The following ABCG2 variants were observed in gnomAD, a reference collection of about 807,000 sequenced individuals.
ABCG2 encodes the protein broad substrate specificity ATP-binding cassette transporter ABCG2.
A neutral mutation model predicts 73.5 loss-of-function variants in ABCG2; 80 were observed. That is an observed-to-expected ratio of 1.09 (90% CI 0.91 to 1.31). The LOEUF (loss-of-function observed/expected upper bound fraction) is 1.31. Among genes scored for constraint, ABCG2 ranks in the 50% most tolerant of loss-of-function variants. The probability of loss-of-function intolerance (pLI) is 0.00; values close to 1 mark genes in which losing one functional copy is unlikely to be tolerated. For synonymous variants in ABCG2, 269 were observed against 282.4 expected (o/e 0.95, Z 0.48); for missense variants, 796 against 786.2 (o/e 1.01, Z -0.15).
chr4:88,183,697 T>C (rs1035939070), intron 1 of ABCG2, among the ~76,000 whole-genome samples: 1 of 150,938 alleles, frequency 6.6e-6, no homozygotes, highest in African/African-American at 2.4e-5. Flanking sequence ...AGGGAATAAT[T>C]CCAAACTCAT....
At chr4:88,157,719 G>A (rs1727043779) in intron 1 of ABCG2, among the ~76,000 whole-genome samples, 1 of 152,160 alleles carries the variant, frequency 6.6e-6, no homozygotes, top group African/African-American at 2.4e-5. Flanking sequence ...TACTCTGAAA[G>A]CACTGTTTTG....
At chr4:88,187,160 G>A (rs1321174135) in intron 1 of ABCG2, among the ~76,000 whole-genome samples, 1 of 149,978 alleles carries the variant, frequency 6.7e-6, no homozygotes, top group African/African-American at 2.5e-5. Context: ...TGTGGCAGGG[G>A]AGAAGTGGGG....
chr4:88,202,354 T>TATATATATATATATATATATATATATA (rs1553945717), intron 1 of ABCG2, among the ~76,000 whole-genome samples: 910 of 61,828 alleles, frequency 0.015, 296 homozygotes, highest in South Asian at 0.028. Flanking sequence ...CTACAATTAT[T>TATATATATATATATATATATATATATA]TATATATATA....
intron 5 of ABCG2, among the ~76,000 whole-genome samples, chr4:88,123,785 G>A (rs1560686807): frequency 6.6e-6 from 1 of 152,046 alleles, no homozygotes; most frequent in Non-Finnish European, 1.5e-5. Context: ...AGCAAGACAG[G>A]CCAACATTCT....
chr4:88,184,585 A>G (rs1463420681), intron 1 of ABCG2, among the ~76,000 whole-genome samples: 1 of 152,210 alleles, frequency 6.6e-6, no homozygotes, highest in Non-Finnish European at 1.5e-5. Flanking sequence ...TTCCATGTTC[A>G]TAGATAGGAA....
chr4:88,121,794 T>A lies in ABCG2; in HGVS notation c.532-2A>T. 6.2e-7 allele frequency: 1 copy of A among 1,611,758 alleles called. No individual in the cohort carries two copies. Among genetic ancestry groups the A allele is most frequent in the South Asian group, 1.1e-5 (1 of 90,436 alleles). On this transcript the variant is annotated splice_acceptor_variant, in intron 5 of 15. Transcript: ENST00000237612. LOFTEE classifies it high-confidence loss of function. ...ACCACGGATAAACTGAGTTCCAACC[T>A]AAATCACAAATATTATAATTGTCAA...
intron 1 of ABCG2, among the ~76,000 whole-genome samples, chr4:88,169,573 A>T (rs1159666938): frequency 6.6e-6 from 1 of 152,158 alleles, no homozygotes. Context: ...TGGTCAGTTA[A>T]ACCCATCATC....
chr4:88,121,914 G>T lies in ABCG2; in HGVS notation c.532-122C>A, dbSNP rs942139488. On this transcript the variant is annotated intron_variant, in intron 5 of 15. Coordinates refer to ENST00000237612, the MANE Select transcript of ABCG2 (RefSeq NM_004827.3). ...TCATTAAGTTCATTTATTCTGAACA[G>T]CAAATAAGTGGATACCTGGTAGAAA... The T allele has an allele frequency of 1.2e-5, 11 of 932,690 alleles. No homozygotes were observed. In the African/African-American group the frequency reaches 1.5e-4, roughly 13 times the overall value. 57.8% of individuals were successfully genotyped at this position (932,690 alleles called of 1,614,324 possible).
chr4:88,172,357 G>A (rs1430037605), intron 1 of ABCG2, among the ~76,000 whole-genome samples: 2 of 150,172 alleles, frequency 1.3e-5, no homozygotes, highest in African/African-American at 4.9e-5. Context: ...TTTGGGAGGC[G>A]GAGCTGGGCG....
chr4:88,211,887 A>T (rs1324993891), intron 1 of ABCG2, among the ~76,000 whole-genome samples: 1 of 152,216 alleles, frequency 6.6e-6, no homozygotes, highest in Admixed American at 6.5e-5. Context: ...TCTCTTCCAG[A>T]TAAAATCAAG....
At chr4:88,111,175 G>A (rs1271056591) in intron 9 of ABCG2, among the ~76,000 whole-genome samples, 2 of 152,194 alleles carry the variant, frequency 1.3e-5, no homozygotes, top group African/African-American at 4.8e-5. Context: ...ATTTTTTGAA[G>A]CAAGATAATT....
intron 1 of ABCG2, among the ~76,000 whole-genome samples, chr4:88,194,829 G>A (rs146833564): frequency 1.3e-5 from 2 of 152,210 alleles, no homozygotes; most frequent in African/African-American, 4.8e-5. Flanking sequence ...GAGGGAAAAT[G>A]GTAGGAGACA....
In ABCG2 at chr4:88,200,155, T is replaced by A. The variant is rs146883245; in HGVS notation, c.-20+30839A>T. ...GCCTGGGCAACATGGCAAAACCCCA[T>A]CTCTACTAAAAATACAAAAAATCAG... is the stretch of plus-strand genomic sequence containing the variant. On this transcript the variant is annotated intron_variant, in intron 1 of 15. Transcript: ENST00000515655. Among the ~76,000 whole-genome samples the A allele has an allele frequency of 4.6e-4, 70 of 151,890 alleles. 1 individual carries two copies. The East Asian group carries it at 0.013, about 27-fold the overall frequency.
chr4:88,165,512 A>G (rs1279045764), intron 1 of ABCG2, among the ~76,000 whole-genome samples: 1 of 152,012 alleles, frequency 6.6e-6, no homozygotes, highest in Admixed American at 6.6e-5. Flanking sequence ...TCCCTCTTCC[A>G]CCTTTAAGTA....
chr4:88,115,953 G>A (rs557565047), intron 7 of ABCG2, among the ~76,000 whole-genome samples: 8 of 152,226 alleles, frequency 5.3e-5, no homozygotes, highest in Admixed American at 2.0e-4. Context: ...CTAGCACTTC[G>A]GGAGGCCGAG....
At chr4:88,171,922 G>A (rs1578254267) in intron 1 of ABCG2, among the ~76,000 whole-genome samples, 1 of 152,062 alleles carries the variant, frequency 6.6e-6, no homozygotes, top group Admixed American at 6.5e-5. Flanking sequence ...GGAGTTCCAG[G>A]CCACAGTGTG....
chr4:88,170,979 G>A lies in ABCG2; in HGVS notation c.-19-30965C>T, dbSNP rs1301820843. 2.0e-5 allele frequency among the ~76,000 whole-genome samples: 3 copies of A among 152,274 alleles called. No individual in the cohort carries two copies. The East Asian group carries it at 5.8e-4, about 29-fold the overall frequency. On this transcript the variant is annotated intron_variant, in intron 1 of 15. Coordinates refer to the ABCG2 transcript ENST00000515655. Reference sequence around the variant, plus strand: ...GATCATGTCTTACAGGAACACGGATGGAGCCGGAGACTATTATCCTTAGTA... The same window carrying A: ...GATCATGTCTTACAGGAACACGGATAGAGCCGGAGACTATTATCCTTAGTA...
At position 88,145,635 on chromosome 4, in the gene ABCG2, T is replaced by A. The variant is rs142174584; in HGVS notation, c.-19-5621A>T. ...GAAAGGCTCACAACCCTAATGATGT[T>A]TATAAAGGAACACTCTGGGCCAGGC... On this transcript the variant is annotated intron_variant, in intron 1 of 15. Coordinates refer to ENST00000237612, the MANE Select transcript of ABCG2 (RefSeq NM_004827.3). Among the ~76,000 whole-genome samples the A allele has an allele frequency of 5.4e-3, 825 of 152,118 alleles. 5 individuals are homozygous for A. The highest frequency in any genetic ancestry group is 0.019 in the African/African-American group (769 of 41,490).
intron 1 of ABCG2, among the ~76,000 whole-genome samples, chr4:88,157,623 T>A (rs1372431161): frequency 6.6e-6 from 1 of 152,180 alleles, no homozygotes; most frequent in Non-Finnish European, 1.5e-5. Flanking sequence ...AATGGAAGGG[T>A]AATGTTAGAC....
Sources: allele counts gnomAD v4.1 joint callset (sites outside exome capture counted in the v4.1 genomes callset), GRCh38; gene constraint gnomAD v4.1.1; transcripts MANE v1.5; gene names NCBI Gene and HGNC (gene_info 2026-07-23, HGNC 2026-07-21).